GMPS: variants seen among roughly 807,000 people sequenced by gnomAD.
The protein encoded by GMPS is guanosine monophosphate synthase, also known as GMP synthase [glutamine-hydrolyzing].
A neutral mutation model predicts 77.9 loss-of-function variants in GMPS; 15 were observed. The ratio of observed to expected loss-of-function variants is 0.19; its 90% confidence interval spans 0.13 to 0.30. GMPS has a LOEUF of 0.30. Ranked by LOEUF, GMPS falls within the 10% of genes least tolerant of loss-of-function variation. GMPS has a pLI of 1.00. For missense variants in GMPS, 590 were observed against 838.8 expected (o/e 0.70, Z 3.66); for synonymous variants, 224 against 275.9 (o/e 0.81, Z 1.86).
At chr3:155,882,610 A>C (rs943612593) in intron 1 of GMPS, among the ~76,000 whole-genome samples, 7 of 152,252 alleles carry the variant, frequency 4.6e-5, no homozygotes, top group African/African-American at 1.7e-4. Context: ...CTTTTGTAAA[A>C]TACAGTAAAT....
At position 155,940,740 on chromosome 3, in the gene GMPS, G is replaced by GTTTTTTTTTTTTTTTTT. The variant is rs77440100; in HGVS notation, c.*3050_*3066dup. ...AGACAGAATGGAGAAGCTGGATAGT[G>GTTTTTTTTTTTTTTTTT]TTTTTTTTTTTTTTTTTTAAGGTTC... On this transcript the variant is annotated 3_prime_UTR_variant, in exon 16 of 16. Coordinates refer to ENST00000496455, the MANE Select transcript of GMPS (RefSeq NM_003875.3). 5.8e-6 allele frequency: 1 copy of GTTTTTTTTTTTTTTTTT among 171,724 alleles called. No homozygotes were observed. Among genetic ancestry groups the GTTTTTTTTTTTTTTTTT allele is most frequent in the Non-Finnish European group, 1.2e-5 (1 of 84,094 alleles). The allele number at this position is 171,724 out of a possible 1,614,324, so 10.6% of individuals were successfully genotyped here. A position where few individuals can be genotyped will look rare whatever the true frequency, so the allele number is the denominator to read the frequency against.
Position 155,870,717 on chromosome 3 carries a change from C to A in GMPS, c.-154C>A. The A allele has an allele frequency of 1.8e-6, 1 of 566,144 alleles. No individual in the cohort carries two copies. Among genetic ancestry groups the A allele is most frequent in the South Asian group, 2.0e-5 (1 of 49,350 alleles). 35.1% of individuals were successfully genotyped at this position (566,144 alleles called of 1,614,324 possible). A position where few individuals can be genotyped will look rare whatever the true frequency, so the allele number is the denominator to read the frequency against. On this transcript the variant is annotated 5_prime_UTR_variant, in exon 1 of 16. Coordinates refer to ENST00000496455, the MANE Select transcript of GMPS (RefSeq NM_003875.3). Reference sequence around the variant, plus strand: ...CGCGCTCCGCTGCTGTTGCTCCATTCGGCGCTTTTCTGGCGGCTGGCTCCT... The same window carrying A: ...CGCGCTCCGCTGCTGTTGCTCCATTAGGCGCTTTTCTGGCGGCTGGCTCCT...
rs191901146 is a variant in GMPS, at chr3:155,933,159, T to G, written c.1676+1279T>G. On this transcript the variant is annotated intron_variant, in intron 13 of 15. Coordinates refer to ENST00000496455, the MANE Select transcript of GMPS (RefSeq NM_003875.3). ...GTGAGCTGAGATTGCACCACTGCAC[T>G]CAAGCCTGGGCGACAGAGCGAGACT... Among the ~76,000 whole-genome samples the G allele has an allele frequency of 6.0e-3, 905 of 152,054 alleles. 9 individuals are homozygous for G. Among genetic ancestry groups the G allele is most frequent in the Non-Finnish European group, 8.9e-3 (607 of 67,974 alleles).
chr3:155,879,486 C>A (rs768744851), intron 1 of GMPS, among the ~76,000 whole-genome samples: 1 of 151,942 alleles, frequency 6.6e-6, no homozygotes, highest in African/African-American at 2.4e-5. Flanking sequence ...AGGCTGGCCT[C>A]GAACTCCTGA....
chr3:155,910,863 G>A lies in GMPS; in HGVS notation c.698G>A (p.Arg233Lys). 6.3e-7 allele frequency: 1 copy of A among 1,583,386 alleles called. No homozygotes were observed. Among genetic ancestry groups the A allele is most frequent in the Non-Finnish European group, 8.5e-7 (1 of 1,170,028 alleles). Residue 233 changes from arginine (R) to lysine (K), a missense_variant, in exon 6 of 16, where the codon AGA becomes AAA. Around this residue, in one of 6 missense-constraint regions of GMPS, gnomAD observed 181 missense variants for 186.8 expected, o/e 0.97. Transcript: ENST00000496455. ...GAGTGTATTCGAGAGATCAAAGAGA[G>A]AGTAGGCACGTCAAAAGTTTTGGTA... ...ELECIREIKERVGTSKVLVLL... is the reference protein window; with the variant it reads ...ELECIREIKEKVGTSKVLVLL...
At chr3:155,871,135 A>T (rs906521559) in intron 1 of GMPS, among the ~76,000 whole-genome samples, 1 of 151,400 alleles carries the variant, frequency 6.6e-6, no homozygotes, top group Non-Finnish European at 1.5e-5. Flanking sequence ...CGGGGAGGGC[A>T]TCAGCTCCCC....
In GMPS at chr3:155,943,865, A is replaced by G. The variant is rs374922870; in HGVS notation, c.*6173A>G. On this transcript the variant is annotated 3_prime_UTR_variant, in exon 16 of 16. Transcript: ENST00000496455. Reference sequence around the variant, plus strand: ...TCAAGGGTTTCTATATAACAACTTAATTTATTTCCCTTGCATATATAGTAG... The same window carrying G: ...TCAAGGGTTTCTATATAACAACTTAGTTTATTTCCCTTGCATATATAGTAG... 1 of 153,508 alleles carries G rather than the reference A, an allele frequency of 6.5e-6. No homozygotes were observed. Among genetic ancestry groups the G allele is most frequent in the Non-Finnish European group, 1.5e-5 (1 of 68,740 alleles). The allele number at this position is 153,508 out of a possible 1,614,324, so 9.5% of individuals were successfully genotyped here.
chr3:155,922,276 G>A lies in GMPS; in HGVS notation c.1408G>A (p.Ala470Thr), dbSNP rs1409533829. The A allele has an allele frequency of 1.3e-6, 2 of 1,503,180 alleles. No homozygotes were observed. Among genetic ancestry groups the A allele is most frequent in the South Asian group, 2.5e-5 (2 of 80,130 alleles). The allele number at this position is 1,503,180 out of a possible 1,614,324, so 93.1% of individuals were successfully genotyped here. A position where few individuals can be genotyped will look rare whatever the true frequency, so the allele number is the denominator to read the frequency against. ...AACCAACAATATTTTGAAAATAGTAGCTGATTTTTCTGCAAGTGTTAAAAA... is the reference window on the plus strand; with the variant it reads ...AACCAACAATATTTTGAAAATAGTAACTGATTTTTCTGCAAGTGTTAAAAA... ...PETNNILKIV[A>T]DFSASVKKPH... Residue 470 changes from alanine to threonine, a missense_variant, in exon 11 of 16, where the codon GCT becomes ACT. Coordinates refer to ENST00000496455, the MANE Select transcript of GMPS (RefSeq NM_003875.3).
Position 155,942,592 on chromosome 3 carries a change from T to C in GMPS, c.*4900T>C. ...TCTGGAACTGATTGCACCTATATTATGTTGTGTGTCAGACACTCCCAGGAC... is the reference window on the plus strand; with the variant it reads ...TCTGGAACTGATTGCACCTATATTACGTTGTGTGTCAGACACTCCCAGGAC... On this transcript the variant is annotated 3_prime_UTR_variant, in exon 16 of 16. Coordinates refer to ENST00000496455, the MANE Select transcript of GMPS (RefSeq NM_003875.3). 8.7e-6 allele frequency: 2 copies of C among 229,130 alleles called. No individual in the cohort carries two copies. Among genetic ancestry groups the C allele is most frequent in the East Asian group, 1.2e-4 (2 of 16,082 alleles). 14.2% of individuals were successfully genotyped at this position (229,130 alleles called of 1,614,324 possible).
rs1044984125 is a variant in GMPS at position 155,939,451 on chromosome 3, C to T, written c.*1759C>T. On this transcript the variant is annotated 3_prime_UTR_variant, in exon 16 of 16. Transcript: ENST00000496455. ...GAGTAAGAATGTGTGTTCTATGGAACACTGCTCCACTGAGAAGGTCCATGT... is the reference window on the plus strand; with the variant it reads ...GAGTAAGAATGTGTGTTCTATGGAATACTGCTCCACTGAGAAGGTCCATGT... 1 of 204,022 alleles carries T rather than the reference C, an allele frequency of 4.9e-6. No homozygotes were observed. 12.6% of individuals were successfully genotyped at this position (204,022 alleles called of 1,614,324 possible). A position where few individuals can be genotyped will look rare whatever the true frequency, so the allele number is the denominator to read the frequency against.
At chr3:155,895,940 T>A (rs145046804) in intron 2 of GMPS, among the ~76,000 whole-genome samples, 5 of 152,146 alleles carry the variant, frequency 3.3e-5, no homozygotes, top group African/African-American at 9.7e-5. Flanking sequence ...TATAATATAA[T>A]AGAATCTAGA....
chr3:155,895,503 G>A (rs1246896201), intron 2 of GMPS: 1 of 152,020 alleles, frequency 6.6e-6, no homozygotes, highest in Non-Finnish European at 1.5e-5. Flanking sequence ...GAGAGATGAG[G>A]TTTCGCCATG....
chr3:155,896,233 T>A (rs1188916039), intron 2 of GMPS, among the ~76,000 whole-genome samples: 5 of 152,030 alleles, frequency 3.3e-5, no homozygotes, highest in Non-Finnish European at 7.4e-5. Flanking sequence ...ATGGTCTCGA[T>A]CTCCTGACCT....
At chr3:155,916,866 G>T (rs1242289720) in intron 9 of GMPS, among the ~76,000 whole-genome samples, 3 of 151,952 alleles carry the variant, frequency 2.0e-5, no homozygotes, top group Non-Finnish European at 4.4e-5. Context: ...TTTTACATTC[G>T]CACTAGCAAT....
chr3:155,880,697 CTTGGTA>C (rs1381713298), intron 1 of GMPS, among the ~76,000 whole-genome samples: 2 of 152,034 alleles, frequency 1.3e-5, no homozygotes, highest in Admixed American at 6.5e-5. Context: ...AAAATGCAAA[CTTGGTA>C]TTGGTGCAGT....
At chr3:155,888,830 C>G (rs1484407398) in intron 1 of GMPS, among the ~76,000 whole-genome samples, 1 of 151,156 alleles carries the variant, frequency 6.6e-6, no homozygotes, top group Non-Finnish European at 1.5e-5. Context: ...GATGCTTCAC[C>G]CTCTTTGGCC....
At chr3:155,932,134 T>C (rs1227397001) in intron 13 of GMPS, among the ~76,000 whole-genome samples, 1 of 152,236 alleles carries the variant, frequency 6.6e-6, no homozygotes, top group African/African-American at 2.4e-5. Context: ...AGAAAGATTT[T>C]TATTTTAGTG....
chr3:155,886,180 C>T lies in GMPS; in HGVS notation c.28-7338C>T, dbSNP rs1187511797. Reference sequence around the variant, plus strand: ...TATTAAGGGATTGCACTTGTCCATTCATAATTGTAGGAATAATAAGTTGCT... The same window carrying T: ...TATTAAGGGATTGCACTTGTCCATTTATAATTGTAGGAATAATAAGTTGCT... On this transcript the variant is annotated intron_variant, in intron 1 of 15. Coordinates refer to ENST00000496455, the MANE Select transcript of GMPS (RefSeq NM_003875.3). Among the ~76,000 whole-genome samples the T allele has an allele frequency of 1.9e-4, 29 of 152,172 alleles. 1 individual carries two copies. Among genetic ancestry groups the T allele is most frequent in the South Asian group, 2.1e-4 (1 of 4,820 alleles).
rs935562743 is a variant in GMPS at position 155,940,399 on chromosome 3, A to G, written c.*2707A>G. ...TACACTGTTTTCTAACCTTTTTTAA[A>G]TCCCTTAATCTTGAGGTAAACTGCA... On this transcript the variant is annotated 3_prime_UTR_variant, in exon 16 of 16. Transcript: ENST00000496455. 4.9e-6 allele frequency: 1 copy of G among 203,802 alleles called. No homozygotes were observed. Among genetic ancestry groups the G allele is most frequent in the African/African-American group, 2.3e-5 (1 of 43,738 alleles). 12.6% of individuals were successfully genotyped at this position (203,802 alleles called of 1,614,324 possible). A position where few individuals can be genotyped will look rare whatever the true frequency, so the allele number is the denominator to read the frequency against.
Sources: gnomAD v4.1 joint callset for allele counts (sites outside exome capture counted in the v4.1 genomes callset) on GRCh38, gnomAD v4.1.1 for gene constraint, gnomAD v4.1.1 regional missense constraint, MANE v1.5 for transcripts, NCBI Gene and HGNC (gene_info 2026-07-23, HGNC 2026-07-21) for gene names.